Variants in ADAM22 observed in about 807,000 individuals in gnomAD.
ADAM22 encodes the protein disintegrin and metalloproteinase domain-containing protein 22.
In ADAM22, 65 loss-of-function variants were observed where a neutral mutation model predicts 144.6. That is an observed-to-expected ratio of 0.45 (90% CI 0.37 to 0.55). The LOEUF is 0.55. ADAM22 is among the 20% of genes least tolerant of loss of function. ADAM22 has a pLI of 0.00. For synonymous variants in ADAM22, 391 were observed against 412.6 expected (o/e 0.95, Z 0.63); for missense variants, 974 against 1,184.9 (o/e 0.82, Z 2.61).
chr7:88,067,105 TA>T (rs570737269), intron 3 of ADAM22, among the ~76,000 whole-genome samples: 296 of 152,228 alleles, frequency 1.9e-3, no homozygotes, highest in African/African-American at 6.6e-3. Flanking sequence ...ATTTTACCCT[TA>T]AAAAACTACA....
chr7:88,092,960 C>G (rs1820335198), intron 4 of ADAM22, among the ~76,000 whole-genome samples: 1 of 55,112 alleles, frequency 1.8e-5, no homozygotes, highest in African/African-American at 4.0e-5. Flanking sequence ...GATTTTTTTT[C>G]CCCCAGTTAA....
chr7:88,167,732 C>T (rs188392226), intron 24 of ADAM22, among the ~76,000 whole-genome samples: 2 of 152,114 alleles, frequency 1.3e-5, no homozygotes, highest in Non-Finnish European at 2.9e-5. Context: ...AAACCGAGAG[C>T]AGTAAGGACC....
chr7:88,022,124 A>C (rs1405528367), intron 3 of ADAM22, among the ~76,000 whole-genome samples: 1 of 151,712 alleles, frequency 6.6e-6, no homozygotes, highest in African/African-American at 2.4e-5. Flanking sequence ...TCAAACCCCT[A>C]ACCTCAAGTG....
intron 2 of ADAM22, among the ~76,000 whole-genome samples, chr7:87,971,341 G>A (rs190772939): frequency 1.7e-4 from 26 of 152,212 alleles, no homozygotes; most frequent in African/African-American, 6.0e-4. Flanking sequence ...ATGAAAGCAA[G>A]GAGTTGAAAT....
At chr7:88,025,512 T>A (rs922230820) in intron 3 of ADAM22, among the ~76,000 whole-genome samples, 1 of 152,206 alleles carries the variant, frequency 6.6e-6, no homozygotes, top group South Asian at 2.1e-4. Flanking sequence ...GTCTTAGATT[T>A]GAGTCTTCAA....
Position 88,184,042 on chromosome 7 carries a change from A to G in ADAM22, c.2663+2018A>G, listed in dbSNP as rs143916602. ...GACAAATATATCTTTTATTTTTTTC[A>G]TATAAGAGGTGTTTCAGGTCCATTA... is the stretch of plus-strand genomic sequence containing the variant. On this transcript the variant is annotated intron_variant, in intron 29 of 31. Transcript: ENST00000413139. Among the ~76,000 whole-genome samples the G allele has an allele frequency of 2.8e-3, 433 of 152,208 alleles. 1 individual carries two copies. Among genetic ancestry groups the G allele is most frequent in the African/African-American group, 0.01 (417 of 41,552 alleles).
intron 3 of ADAM22, among the ~76,000 whole-genome samples, chr7:88,040,736 G>A (rs1802928271): frequency 6.6e-6 from 1 of 151,962 alleles, no homozygotes; most frequent in South Asian, 2.1e-4. Flanking sequence ...TGCTTAGGGT[G>A]AAGTAAAGGT....
intron 3 of ADAM22, among the ~76,000 whole-genome samples, chr7:88,060,009 A>G (rs1406006822): frequency 1.3e-5 from 2 of 152,310 alleles, no homozygotes; most frequent in African/African-American, 4.8e-5. Context: ...ATCTAAAAAA[A>G]AACCCCAATA....
chr7:87,957,105 G>A (rs962866956), intron 2 of ADAM22, among the ~76,000 whole-genome samples: 3 of 152,134 alleles, frequency 2.0e-5, no homozygotes, highest in East Asian at 1.9e-4. Flanking sequence ...GGTAAGCTCA[G>A]TACCTGTGAG....
chr7:88,155,525 G>GA (rs797005307), intron 21 of ADAM22, among the ~76,000 whole-genome samples: 1,088 of 68,504 alleles, frequency 0.016, 7 homozygotes, highest in African/African-American at 0.037. Context: ...CTGACTCTAA[G>GA]AAAAAAAAAA....
At chr7:88,082,687 A>G (rs1403138735) in intron 4 of ADAM22, among the ~76,000 whole-genome samples, 3 of 152,252 alleles carry the variant, frequency 2.0e-5, no homozygotes, top group Admixed American at 2.0e-4. Context: ...GGATATGAAC[A>G]GACACTTCTC....
intron 27 of ADAM22, among the ~76,000 whole-genome samples, chr7:88,181,119 A>G (rs189575097): frequency 2.6e-4 from 39 of 152,260 alleles, no homozygotes; most frequent in Admixed American, 2.1e-3. Flanking sequence ...TCTGAGTGGA[A>G]ACCATTGCTT....
chr7:88,030,342 CTT>C lies in ADAM22; in HGVS notation c.324-45282_324-45281del, dbSNP rs1190658504. 3.3e-5 allele frequency among the ~76,000 whole-genome samples: 5 copies of C among 151,958 alleles called. No homozygotes were observed. The East Asian group carries it at 9.7e-4, about 29-fold the overall frequency. Reference sequence around the variant, plus strand: ...TTGATTTTTAAAATTATTTCAGTGTCTTTGTTAAATGTATCTGATAGAATTTT... The same window carrying C: ...TTGATTTTTAAAATTATTTCAGTGTCTGTTAAATGTATCTGATAGAATTTT... On this transcript the variant is annotated intron_variant, in intron 3 of 31. Transcript: ENST00000413139.
Position 88,160,761 on chromosome 7 carries a change from T to G in ADAM22, c.1908-2251T>G, listed in dbSNP as rs550502675. Among the ~76,000 whole-genome samples, 9 of 152,214 alleles carry G rather than the reference T, an allele frequency of 5.9e-5. No individual in the cohort carries two copies. The South Asian group carries it at 1.9e-3, about 32-fold the overall frequency. On this transcript the variant is annotated intron_variant, in intron 22 of 31. Coordinates refer to ENST00000413139, the MANE Select transcript of ADAM22 (RefSeq NM_001324418.2). ...CTGGATTAAGAAAATGTGGCACATA[T>G]ACACCATGGAATACTATGCAGCCAT...
At chr7:88,045,923 TG>T (rs1804569398) in intron 3 of ADAM22, among the ~76,000 whole-genome samples, 4 of 151,584 alleles carry the variant, frequency 2.6e-5, no homozygotes, top group African/African-American at 9.7e-5. Flanking sequence ...TGTGTGTGTG[TG>T]TGTGTGTGTA....
intron 25 of ADAM22, among the ~76,000 whole-genome samples, chr7:88,170,649 A>G (rs1186470071): frequency 6.6e-6 from 1 of 152,010 alleles, no homozygotes; most frequent in African/African-American, 2.4e-5. Flanking sequence ...CGTGATATGT[A>G]TAATGTGGAT....
intron 4 of ADAM22, among the ~76,000 whole-genome samples, chr7:88,083,464 T>C (rs1403910161): frequency 2.0e-5 from 3 of 151,928 alleles, no homozygotes; most frequent in South Asian, 2.1e-4. Context: ...GTTGTTCCCA[T>C]GTACCCTAAA....
chr7:88,165,370 A>G (rs1842718315), intron 23 of ADAM22, among the ~76,000 whole-genome samples: 1 of 152,096 alleles, frequency 6.6e-6, no homozygotes, highest in Non-Finnish European at 1.5e-5. Context: ...TTCTCAGCCC[A>G]CTGCAAAACA....
intron 4 of ADAM22, among the ~76,000 whole-genome samples, chr7:88,085,323 T>G (rs1436500728): frequency 6.6e-6 from 1 of 152,176 alleles, no homozygotes; most frequent in Admixed American, 6.5e-5. Flanking sequence ...AAAATTAAAG[T>G]GTTATTCCAA....
Sources: allele counts gnomAD v4.1 joint callset (sites outside exome capture counted in the v4.1 genomes callset), GRCh38; gene constraint gnomAD v4.1.1; transcripts MANE v1.5; gene names NCBI Gene and HGNC (gene_info 2026-07-23, HGNC 2026-07-21).